The following TANC2 variants were observed in gnomAD, a reference collection of about 807,000 sequenced individuals.
The protein encoded by TANC2 is tetratricopeptide repeat, ankyrin repeat and coiled-coil containing 2.
TANC2 carries 26 observed loss-of-function variants against 210.5 expected under a neutral mutation model. That is an observed-to-expected ratio of 0.12 (90% CI 0.09 to 0.17). The LOEUF (loss-of-function observed/expected upper bound fraction) is 0.17. Among genes scored for constraint, TANC2 ranks in the 10% least tolerant of loss-of-function variants. The pLI, the probability that TANC2 is intolerant of heterozygous loss-of-function variation, is 1.00. For synonymous variants in TANC2, 931 were observed against 967.1 expected (o/e 0.96, Z 0.69); for missense variants, 2,129 against 2,608.9 (o/e 0.82, Z 4.01).
At chr17:63,374,518 G>C (rs1409757237) in intron 14 of TANC2, among the ~76,000 whole-genome samples, 1 of 152,092 alleles carries the variant, frequency 6.6e-6, no homozygotes, top group Admixed American at 6.6e-5. Flanking sequence ...ATGTGTACCA[G>C]GTACAACAGG....
At chr17:63,215,211 C>G (rs1276842827) in intron 7 of TANC2, among the ~76,000 whole-genome samples, 1 of 152,170 alleles carries the variant, frequency 6.6e-6, no homozygotes, top group Non-Finnish European at 1.5e-5. Flanking sequence ...AATCCATAAT[C>G]AGATTTCAGC....
At chr17:63,151,154 A>G (rs571442249) in intron 4 of TANC2, 116 bp from the exon 5 acceptor site, 6 of 288,870 alleles carry the variant, frequency 2.1e-5, no homozygotes, top group African/African-American at 4.7e-5. Flanking sequence ...TGACCCCTCT[A>G]TGTTTCTCTC....
chr17:63,264,315 G>T (rs1030917983), intron 8 of TANC2, among the ~76,000 whole-genome samples: 1 of 152,174 alleles, frequency 6.6e-6, no homozygotes, highest in African/African-American at 2.4e-5. Flanking sequence ...CTGGTGGTGA[G>T]AACTGCAAAG....
At position 63,280,133 on chromosome 17, in the gene TANC2, A is replaced by C. The variant is rs2044016223; in HGVS notation, c.1159+12260A>C. 1.3e-5 allele frequency among the ~76,000 whole-genome samples: 2 copies of C among 152,082 alleles called. 1 individual carries two copies. Among genetic ancestry groups the C allele is most frequent in the South Asian group, 4.1e-4 (2 of 4,828 alleles). The stretch of plus-strand genomic sequence containing the variant: ...CATCCAAGTCCTTTGTTTCACATTT[A>C]ATGAAACTGCCTCCAAAAGCAGTTA... On this transcript the variant is annotated intron_variant, in intron 9 of 27. Coordinates refer to ENST00000689528, the Ensembl canonical transcript of TANC2.
At chr17:63,017,724 A>G (rs2034168586) in intron 2 of TANC2, among the ~76,000 whole-genome samples, 1 of 152,260 alleles carries the variant, frequency 6.6e-6, no homozygotes. Context: ...TTAACAAAAC[A>G]TCTATTTCTA....
At chr17:63,363,493 G>T (rs1426427987) in intron 14 of TANC2, among the ~76,000 whole-genome samples, 1 of 152,074 alleles carries the variant, frequency 6.6e-6, no homozygotes, top group East Asian at 1.9e-4. Context: ...ATAGTTTCCG[G>T]TTTTAGATTT....
Position 63,420,343 on chromosome 17 carries a change from A to G in TANC2, c.4613A>G (p.Tyr1538Cys). ...TCTCCCCCGCATCGGGACTCAGCCT[A>G]CATCTCCAGCTCACCTCTTGGCTCT... The change falls in exon 28 of 28, where the codon TAC becomes TGC. Residue 1538 changes from tyrosine to cysteine, a missense_variant. This residue lies in a region of TANC2 where 584 missense variants were observed against 627.3 expected (regional missense o/e 0.93). Transcript: ENST00000689528. This position sits in a 1 kb window ranked among gnomAD's most constrained non-coding sequence, Gnocchi z 4.2. The G allele has an allele frequency of 6.2e-7, 1 of 1,613,854 alleles. No homozygotes were observed. Among genetic ancestry groups the G allele is most frequent in the Non-Finnish European group, 8.5e-7 (1 of 1,179,854 alleles).
intron 9 of TANC2, among the ~76,000 whole-genome samples, chr17:63,301,994 T>C (rs2044734861): frequency 6.6e-6 from 1 of 152,232 alleles, no homozygotes; most frequent in African/African-American, 2.4e-5. Context: ...TTCTCATTGG[T>C]TTCAGAGAAC....
At chr17:63,068,931 A>T (rs183235654) in intron 2 of TANC2, among the ~76,000 whole-genome samples, 5 of 152,282 alleles carry the variant, frequency 3.3e-5, no homozygotes, top group African/African-American at 9.6e-5. Flanking sequence ...GTATAAAAAC[A>T]TGCTTGTGAT....
chr17:63,084,618 A>G (rs995644147), intron 3 of TANC2, among the ~76,000 whole-genome samples: 1 of 151,916 alleles, frequency 6.6e-6, no homozygotes, highest in African/African-American at 2.4e-5. Context: ...TTTCTTTTCT[A>G]ATATATATTA....
intron 8 of TANC2, among the ~76,000 whole-genome samples, chr17:63,241,763 T>C (rs973504057): frequency 6.6e-6 from 1 of 152,184 alleles, no homozygotes; most frequent in Non-Finnish European, 1.5e-5. Context: ...GTTTTAGACT[T>C]TATGAAAGTT....
intron 15 of TANC2, 135 bp from the exon 16 acceptor site, chr17:63,388,500 G>C (rs1331563829): frequency 1.5e-5 from 13 of 854,084 alleles, no homozygotes; most frequent in African/African-American, 3.5e-5. Context: ...CCTAGGCTTT[G>C]CTTGGCATGA....
chr17:63,055,990 AATATATATATAT>A (rs57112801), intron 2 of TANC2, among the ~76,000 whole-genome samples: 69 of 10,068 alleles, frequency 6.9e-3, no homozygotes, highest in Non-Finnish European at 9.1e-3. Context: ...AAAAAAAAAA[AATATATATATAT>A]ATATATATAT....
At chr17:63,206,007 A>G (rs989353332) in intron 7 of TANC2, among the ~76,000 whole-genome samples, 2 of 152,194 alleles carry the variant, frequency 1.3e-5, no homozygotes, top group Admixed American at 6.5e-5. Context: ...CTACAACTCA[A>G]CAACAACAAA....
chr17:63,351,028 C>T (rs540322747), intron 12 of TANC2, among the ~76,000 whole-genome samples: 2 of 152,058 alleles, frequency 1.3e-5, no homozygotes, highest in Non-Finnish European at 2.9e-5. Context: ...GATATATATA[C>T]TCATATGTGA....
At chr17:63,424,733 A>G (rs2049104181) in exon 28 of TANC2, 1 of 152,204 alleles carries the variant, frequency 6.6e-6, no homozygotes, top group East Asian at 1.9e-4. Context: ...TTGTAACTGA[A>G]GTACTGGATA....
intron 9 of TANC2, among the ~76,000 whole-genome samples, chr17:63,295,731 A>C (rs938225607): frequency 1.3e-5 from 2 of 152,198 alleles, no homozygotes; most frequent in African/African-American, 4.8e-5. Context: ...AATACAACAT[A>C]ATATAATAGA....
intron 19 of TANC2, among the ~76,000 whole-genome samples, chr17:63,400,595 A>G (rs978353442): frequency 6.6e-6 from 1 of 152,114 alleles, no homozygotes; most frequent in African/African-American, 2.4e-5. Context: ...TATAAACATG[A>G]AGAGCTACTT....
At chr17:63,063,555 T>A (rs2036076095) in intron 2 of TANC2, among the ~76,000 whole-genome samples, 1 of 104,434 alleles carries the variant, frequency 9.6e-6, no homozygotes, top group African/African-American at 5.8e-5. Context: ...TGTGTGTGTG[T>A]GTGTGTGTGT....
Sources: allele counts gnomAD v4.1 joint callset (sites outside exome capture counted in the v4.1 genomes callset), GRCh38; gene constraint gnomAD v4.1.1; regional missense constraint gnomAD v4.1.1; non-coding constraint Gnocchi (gnomAD v3.1); transcripts MANE v1.5; gene names NCBI Gene and HGNC (gene_info 2026-07-23, HGNC 2026-07-21).